CPEB3: variants seen among roughly 807,000 people sequenced by gnomAD.
CPEB3 encodes the protein cytoplasmic polyadenylation element-binding protein 3.
Under a neutral mutation model 67.2 loss-of-function variants are expected in CPEB3, and 20 were observed. That is an observed-to-expected ratio of 0.30 (90% CI 0.21 to 0.43). CPEB3 has a LOEUF of 0.43. CPEB3 is among the 20% of genes least tolerant of loss of function. The pLI, the probability that CPEB3 is intolerant of heterozygous loss-of-function variation, is 1.00. For synonymous variants in CPEB3, 376 were observed against 393.1 expected, an observed-to-expected ratio of 0.96 and a Z score of 0.51; for missense variants, 746 against 968.6, an observed-to-expected ratio of 0.77 and a Z score of 3.05.
intron 4 of CPEB3, among the ~76,000 whole-genome samples, chr10:92,150,733 C>G (rs1479364406): frequency 6.6e-6 from 1 of 152,204 alleles, no homozygotes; most frequent in Non-Finnish European, 1.5e-5. Context: ...GCTTCACTAA[C>G]TAGCATCTCT....
At chr10:92,257,592 C>A (rs1032679646) in intron 1 of CPEB3, among the ~76,000 whole-genome samples, 11 of 152,124 alleles carry the variant, frequency 7.2e-5, no homozygotes, top group Admixed American at 5.9e-4. Flanking sequence ...ACCTTGCCAA[C>A]AAATTGCTTT....
chr10:92,124,025 C>A (rs1229783468), intron 6 of CPEB3, among the ~76,000 whole-genome samples: 1 of 152,224 alleles, frequency 6.6e-6, no homozygotes, highest in African/African-American at 2.4e-5. Context: ...ATATCCTCTT[C>A]TAAAACATCC....
Position 92,251,250 on chromosome 10 carries a change from T to C in CPEB3, c.-11-10889A>G, listed in dbSNP as rs1037309705. On this transcript the variant is annotated intron_variant, in intron 1 of 9. Transcript: ENST00000265997. Reference sequence around the variant, plus strand: ...CTGACACAAAAAAATCACCTAACGATGCATTTCTCAGAAAGTATCCCCTTT... The same window carrying C: ...CTGACACAAAAAAATCACCTAACGACGCATTTCTCAGAAAGTATCCCCTTT... Among the ~76,000 whole-genome samples the C allele has an allele frequency of 2.6e-5, 4 of 152,170 alleles. No homozygotes were observed. The South Asian group carries it at 6.2e-4, about 24-fold the overall frequency.
At chr10:92,123,467 CA>C (rs1326701505) in intron 6 of CPEB3, among the ~76,000 whole-genome samples, 45 of 152,348 alleles carry the variant, frequency 3.0e-4, no homozygotes, top group African/African-American at 9.4e-4. Context: ...CACTGCCTCA[CA>C]TAATCCTCTT....
rs944924119 is a variant in CPEB3, at chr10:92,203,390, A to G, written c.1006-10754T>C. On this transcript the variant is annotated intron_variant, in intron 2 of 9. Transcript: ENST00000265997. ...TGTATATATGTATATATGTATGTGT[A>G]TATATATACGTATATATATGTATAT... is the stretch of plus-strand genomic sequence containing the variant. 2.7e-5 allele frequency among the ~76,000 whole-genome samples: 4 copies of G among 147,428 alleles called. No homozygotes were observed. In the East Asian group the frequency reaches 5.9e-4, roughly 22 times the overall value.
intron 6 of CPEB3, among the ~76,000 whole-genome samples, chr10:92,130,251 C>T (rs375052008): frequency 7.9e-5 from 12 of 151,760 alleles, no homozygotes; most frequent in African/African-American, 2.9e-4. Context: ...AAACTGATGC[C>T]CCCTTTTTAG....
rs116980839 is a variant in CPEB3, at chr10:92,078,859, T to A, written c.1869+2461A>T. Among the ~76,000 whole-genome samples, 587 of 152,268 alleles carry A rather than the reference T, an allele frequency of 3.9e-3. 3 individuals are homozygous for A. Among genetic ancestry groups the A allele is most frequent in the Non-Finnish European group, 7.3e-3 (494 of 68,032 alleles). ...AGGCAACAAAACAAATATATCTGAA[T>A]TTATTATGATTCTTACAGGGGCTCA... On this transcript the variant is annotated intron_variant, in intron 9 of 9. Coordinates refer to ENST00000265997, the MANE Select transcript of CPEB3 (RefSeq NM_014912.5).
intron 7 of CPEB3, among the ~76,000 whole-genome samples, chr10:92,100,361 C>T (rs1352380669): frequency 6.6e-6 from 1 of 152,048 alleles, no homozygotes; most frequent in Non-Finnish European, 1.5e-5. Flanking sequence ...GCAACCTCTG[C>T]CTCCCAGGTT....
intron 2 of CPEB3, among the ~76,000 whole-genome samples, chr10:92,196,632 G>A (rs989438751): frequency 6.6e-6 from 1 of 152,042 alleles, no homozygotes; most frequent in Non-Finnish European, 1.5e-5. Context: ...GCCAGGCATG[G>A]TGACACGCGC....
At chr10:92,273,850 T>C (rs1199348096) in intron 1 of CPEB3, among the ~76,000 whole-genome samples, 1 of 152,130 alleles carries the variant, frequency 6.6e-6, no homozygotes, top group African/African-American at 2.4e-5. Context: ...CCTTGCTCTT[T>C]TACATATACT....
chr10:92,232,750 T>C (rs1328307157), intron 2 of CPEB3, among the ~76,000 whole-genome samples: 1 of 126,478 alleles, frequency 7.9e-6, no homozygotes, highest in Non-Finnish European at 1.7e-5. Flanking sequence ...AGTGGGAAAC[T>C]CCATCTCAAA....
intron 1 of CPEB3, among the ~76,000 whole-genome samples, chr10:92,249,092 C>T (rs1013560876): frequency 1.9e-4 from 29 of 151,900 alleles, no homozygotes; most frequent in African/African-American, 5.8e-4. Flanking sequence ...AATTATAGCA[C>T]ATAAGGCCGG....
At chr10:92,137,561 A>G in intron 6 of CPEB3, 1 of 751,490 alleles carries the variant, frequency 1.3e-6, no homozygotes, top group Admixed American at 1.8e-5. Context: ...ATTCCTGTCA[A>G]GAAGGAAGAG....
At position 92,050,109 on chromosome 10, in the gene CPEB3, T is replaced by C. The variant is rs1391557728; in HGVS notation, c.*2103A>G. 1 of 148,914 alleles carries C rather than the reference T, an allele frequency of 6.7e-6. No homozygotes were observed. Among genetic ancestry groups the C allele is most frequent in the Non-Finnish European group, 1.5e-5 (1 of 67,330 alleles). The allele number at this position is 148,914 out of a possible 1,614,324, so 9.2% of individuals were successfully genotyped here. ...GCCAACTTTTGAAAACTGTCTAGAATACAAAAAGTAGTAGTGCATAACAAA... is the reference window on the plus strand; with the variant it reads ...GCCAACTTTTGAAAACTGTCTAGAACACAAAAAGTAGTAGTGCATAACAAA... On this transcript the variant is annotated 3_prime_UTR_variant, in exon 10 of 10. Transcript: ENST00000265997.
At chr10:92,141,966 C>T (rs1388604731) in intron 6 of CPEB3, among the ~76,000 whole-genome samples, 2 of 147,244 alleles carry the variant, frequency 1.4e-5, no homozygotes, top group Non-Finnish European at 3.0e-5. Context: ...TGCAGTGAGC[C>T]GAGATCACGC....
At chr10:92,163,556 G>C (rs774681880) in intron 4 of CPEB3, among the ~76,000 whole-genome samples, 1 of 152,098 alleles carries the variant, frequency 6.6e-6, no homozygotes, top group Non-Finnish European at 1.5e-5. Context: ...GCTTCCCTTG[G>C]AGTATTAGTC....
At position 92,158,353 on chromosome 10, in the gene CPEB3, C is replaced by T. The variant is rs531083807; in HGVS notation, c.1223-13268G>A. Among the ~76,000 whole-genome samples the T allele has an allele frequency of 2.0e-5, 3 of 152,220 alleles. No individual in the cohort carries two copies. The South Asian group carries it at 6.2e-4, about 32-fold the overall frequency. Reference sequence around the variant, plus strand: ...GTCTTATGAGGGTTTATATTGGAGCCTATTATCTATATCAGACATAGAGTA... The same window carrying T: ...GTCTTATGAGGGTTTATATTGGAGCTTATTATCTATATCAGACATAGAGTA... On this transcript the variant is annotated intron_variant, in intron 4 of 9. Transcript: ENST00000265997.
chr10:92,071,578 A>C (rs1211612708), intron 9 of CPEB3, among the ~76,000 whole-genome samples: 1 of 151,570 alleles, frequency 6.6e-6, no homozygotes, highest in Non-Finnish European at 1.5e-5. Flanking sequence ...AAGAACTACA[A>C]AAAAAAATTA....
intron 7 of CPEB3, among the ~76,000 whole-genome samples, chr10:92,103,973 G>A (rs1164686923): frequency 1.3e-5 from 2 of 152,160 alleles, no homozygotes; most frequent in African/African-American, 4.8e-5. Context: ...CTGGGAAGAT[G>A]CCTATTCTTT....
Sources: allele counts gnomAD v4.1 joint callset (sites outside exome capture counted in the v4.1 genomes callset), GRCh38; gene constraint gnomAD v4.1.1; transcripts MANE v1.5; gene names NCBI Gene and HGNC (gene_info 2026-07-23, HGNC 2026-07-21).